MICU1: variants seen among roughly 807,000 people sequenced by gnomAD.
MICU1 encodes the protein calcium uptake protein 1, mitochondrial.
A neutral mutation model predicts 56.8 loss-of-function variants in MICU1; 45 were observed. The ratio of observed to expected loss-of-function variants is 0.79; its 90% CI spans 0.62 to 1.02. The LOEUF (loss-of-function observed/expected upper bound fraction) is 1.02, where lower values mean the gene tolerates loss of function less well. MICU1 is among the 50% of genes least tolerant of loss of function. The pLI is 0.00. For missense variants in MICU1, 504 were observed against 587.1 expected (o/e 0.86, Z 1.46); for synonymous variants, 186 against 195.1 (o/e 0.95, Z 0.39).
At chr10:72,427,413 AAAGT>A (rs567967254) in intron 8 of MICU1, among the ~76,000 whole-genome samples, 175 of 152,346 alleles carry the variant, frequency 1.1e-3, no homozygotes, top group Non-Finnish European at 2.2e-3. Flanking sequence ...ACAAAGGCCA[AAAGT>A]AAGAATAGAA....
chr10:72,438,130 C>T (rs143198155), intron 8 of MICU1, among the ~76,000 whole-genome samples: 4,147 of 151,314 alleles, frequency 0.027, 181 homozygotes, highest in African/African-American at 0.096. Flanking sequence ...TATTCTAAAA[C>T]TGACCACATA....
intron 8 of MICU1, among the ~76,000 whole-genome samples, chr10:72,443,826 G>C (rs985440871): frequency 6.6e-6 from 1 of 151,634 alleles, no homozygotes; most frequent in African/African-American, 2.4e-5. Flanking sequence ...ATTCCTCAGG[G>C]ATCTAGAACT....
chr10:72,369,888 T>C (rs774889148), intron 11 of MICU1, among the ~76,000 whole-genome samples: 2 of 151,894 alleles, frequency 1.3e-5, no homozygotes, highest in East Asian at 3.9e-4. Flanking sequence ...TTTGTACATA[T>C]ATATTTTTTT....
At chr10:72,487,842 CTTCT>C (rs1866524445) in intron 6 of MICU1, among the ~76,000 whole-genome samples, 1 of 152,148 alleles carries the variant, frequency 6.6e-6, no homozygotes, top group Admixed American at 6.5e-5. Context: ...CTCCTTCTGA[CTTCT>C]TTTTGTTTCT....
chr10:72,612,414 T>C (rs1337581705), intron 1 of MICU1, among the ~76,000 whole-genome samples: 2 of 152,196 alleles, frequency 1.3e-5, no homozygotes, highest in Non-Finnish European at 2.9e-5. Context: ...TAGGAGCCAT[T>C]TTCCTATAGA....
intron 5 of MICU1, among the ~76,000 whole-genome samples, chr10:72,524,479 C>A (rs1311260290): frequency 6.6e-6 from 1 of 152,192 alleles, no homozygotes; most frequent in Non-Finnish European, 1.5e-5. Flanking sequence ...AACAAAATTT[C>A]TTAACCTTTT....
intron 8 of MICU1, among the ~76,000 whole-genome samples, chr10:72,427,738 ATATATATATATATATAT>A (rs1864394625): frequency 4.9e-5 from 1 of 20,606 alleles, no homozygotes; most frequent in African/African-American, 2.1e-4. Context: ...TCTAAAATAT[ATATATATATATATATAT>A]ATATATATAT....
intron 5 of MICU1, among the ~76,000 whole-genome samples, chr10:72,529,832 G>T (rs901259866): frequency 1.3e-5 from 2 of 150,158 alleles, no homozygotes; most frequent in Non-Finnish European, 3.0e-5. Flanking sequence ...AATCATAAAA[G>T]ATGATAAATG....
At chr10:72,561,824 A>G (rs1840304496) in intron 3 of MICU1, among the ~76,000 whole-genome samples, 1 of 152,234 alleles carries the variant, frequency 6.6e-6, no homozygotes, top group South Asian at 2.1e-4. Flanking sequence ...AAATAAAAAA[A>G]TTACTTCATC....
In MICU1 at chr10:72,508,313, T is replaced by C. The variant is rs760656363; in HGVS notation, c.538-44A>G. ...CCACCAAAAGACAAAAATATATAAG[T>C]GAATTAGAATATAAATAGTAAGAGA... On this transcript the variant is annotated intron_variant, in intron 5 of 11. Coordinates refer to ENST00000361114, the MANE Select transcript of MICU1 (RefSeq NM_001195518.2). 4 of 770,142 alleles carry C rather than the reference T, an allele frequency of 5.2e-6. 1 individual carries two copies. The South Asian group carries it at 7.5e-5, about 14-fold the overall frequency. 47.7% of individuals were successfully genotyped at this position (770,142 alleles called of 1,614,324 possible). A position where few individuals can be genotyped will look rare whatever the true frequency, so the allele number is the denominator to read the frequency against.
intron 10 of MICU1, among the ~76,000 whole-genome samples, chr10:72,395,383 T>C (rs574400363): frequency 2.6e-4 from 40 of 152,240 alleles, no homozygotes; most frequent in Admixed American, 1.9e-3. Context: ...AGATGGGTGA[T>C]TTCTGCATTT....
intron 1 of MICU1, among the ~76,000 whole-genome samples, chr10:72,607,095 G>A (rs61864372): frequency 0.044 from 6,585 of 151,224 alleles, 227 homozygotes; most frequent in Non-Finnish European, 0.068. Flanking sequence ...AATCCCAATA[G>A]TTTGGGAGGC....
intron 6 of MICU1, among the ~76,000 whole-genome samples, chr10:72,495,250 AT>A (rs1255414932): frequency 1.4e-5 from 2 of 147,764 alleles, no homozygotes; most frequent in Admixed American, 6.8e-5. Flanking sequence ...AAAAAAAAAA[AT>A]CATCTGCTTG....
chr10:72,493,649 C>T (rs1053682864), intron 6 of MICU1, among the ~76,000 whole-genome samples: 2 of 151,976 alleles, frequency 1.3e-5, no homozygotes, highest in South Asian at 4.1e-4. Flanking sequence ...GACATGGTTT[C>T]GCCATGTTGC....
chr10:72,609,817 C>T (rs554676816), intron 1 of MICU1, among the ~76,000 whole-genome samples: 18 of 150,608 alleles, frequency 1.2e-4, no homozygotes, highest in African/African-American at 3.4e-4. Flanking sequence ...GGGTGGATCA[C>T]GAGGTCAGGA....
intron 10 of MICU1, among the ~76,000 whole-genome samples, chr10:72,385,794 TG>T (rs1049528892): frequency 6.6e-6 from 1 of 152,192 alleles, no homozygotes; most frequent in Admixed American, 6.5e-5. Context: ...AGAAAGGTGA[TG>T]GGCTAGTCAG....
intron 5 of MICU1, among the ~76,000 whole-genome samples, chr10:72,530,532 C>T (rs577177564): frequency 3.7e-4 from 56 of 151,906 alleles, no homozygotes; most frequent in Non-Finnish European, 5.9e-4. Context: ...CACTTATCTA[C>T]GAAACATATT....
chr10:72,396,291 T>C (rs549288778), intron 10 of MICU1, among the ~76,000 whole-genome samples: 7 of 151,998 alleles, frequency 4.6e-5, no homozygotes, highest in Admixed American at 1.3e-4. Flanking sequence ...GTCACCAACA[T>C]CAAAGACCAA....
chr10:72,504,867 A>G (rs542207604), intron 6 of MICU1, among the ~76,000 whole-genome samples: 4 of 152,302 alleles, frequency 2.6e-5, no homozygotes, highest in African/African-American at 7.2e-5. Context: ...GCCAACAAAC[A>G]TGAAAAAATG....
Sources: gnomAD v4.1 joint callset for allele counts (sites outside exome capture counted in the v4.1 genomes callset) on GRCh38, gnomAD v4.1.1 for gene constraint, MANE v1.5 for transcripts, NCBI Gene and HGNC (gene_info 2026-07-23, HGNC 2026-07-21) for gene names.